The following GPR141 variants were observed in gnomAD, a reference collection of about 807,000 sequenced individuals.
GPR141 encodes the protein G protein-coupled receptor 141.
GPR141 carries 6 observed loss-of-function variants against 6.8 expected under a neutral mutation model. The observed-to-expected ratio is 0.88, with a 90% CI of 0.48 to 1.74. The LOEUF (loss-of-function observed/expected upper bound fraction) is 1.74, where lower values mean the gene tolerates loss of function less well. Ranked by LOEUF, GPR141 falls within the 40% of genes most tolerant of loss-of-function variation. The probability of loss-of-function intolerance (pLI) is 0.01; values close to 1 mark genes in which losing one functional copy is unlikely to be tolerated. For synonymous variants in GPR141, 140 were observed against 142.3 expected, an observed-to-expected ratio of 0.98 and a Z score of 0.11; for missense variants, 372 against 372.9, an observed-to-expected ratio of 1.00 and a Z score of 0.02.
intron 2 of GPR141, among the ~76,000 whole-genome samples, chr7:37,707,847 C>A (rs1165034548): frequency 6.6e-6 from 1 of 151,968 alleles, no homozygotes; most frequent in Non-Finnish European, 1.5e-5. Flanking sequence ...CAAGGAAATA[C>A]CAGCTAGAGA....
At chr7:37,727,539 C>G (rs575879696) in intron 2 of GPR141, among the ~76,000 whole-genome samples, 5 of 152,328 alleles carry the variant, frequency 3.3e-5, no homozygotes, top group South Asian at 4.1e-4. Flanking sequence ...ACCAACCCAT[C>G]TGTTAGTTCT....
intron 2 of GPR141, among the ~76,000 whole-genome samples, chr7:37,695,318 C>T (rs960414184): frequency 6.6e-6 from 1 of 152,180 alleles, no homozygotes; most frequent in Non-Finnish European, 1.5e-5. Flanking sequence ...TCCAAAATGG[C>T]ATAACACAGT....
intron 2 of GPR141, among the ~76,000 whole-genome samples, chr7:37,716,885 C>T (rs1314768525): frequency 6.6e-6 from 1 of 152,210 alleles, no homozygotes; most frequent in Admixed American, 6.5e-5. Context: ...AACTCAAATT[C>T]TTTGTTTCTA....
chr7:37,702,238 G>A (rs1348037365), intron 2 of GPR141, among the ~76,000 whole-genome samples: 1 of 151,970 alleles, frequency 6.6e-6, no homozygotes, highest in Non-Finnish European at 1.5e-5. Flanking sequence ...TTGATAAAAT[G>A]TACATCTATT....
Position 37,740,687 on chromosome 7 carries a change from C to T in GPR141, c.294C>T (p.His98=), listed in dbSNP as rs750940026. 8.7e-6 allele frequency: 14 copies of T among 1,614,046 alleles called. No individual in the cohort carries two copies. The highest frequency in any genetic ancestry group is 1.6e-4 in the Middle Eastern group (1 of 6,084). The change falls in exon 3 of 3, where the codon CAC becomes CAT. Residue 98 remains histidine, a synonymous_variant. Transcript: ENST00000334425. ...TTGTGAGTGCCATGCTGCACATCCA[C>T]ATGTACCTCACGTTCCTATTCTATG... ...CKFVSAMLHI[H]MYLTFLFYVV...
intron 2 of GPR141, among the ~76,000 whole-genome samples, chr7:37,702,830 A>G (rs1326570791): frequency 3.3e-5 from 5 of 149,504 alleles, no homozygotes; most frequent in Admixed American, 3.3e-4. Context: ...AATAAAATAA[A>G]AATTAAAAAA....
At chr7:37,708,557 TATC>T (rs1810646034) in intron 2 of GPR141, among the ~76,000 whole-genome samples, 1 of 152,064 alleles carries the variant, frequency 6.6e-6, no homozygotes, top group Admixed American at 6.6e-5. Flanking sequence ...AGAGCAATAA[TATC>T]ATGCTGTACA....
At chr7:37,731,545 G>C (rs1411540380) in intron 2 of GPR141, among the ~76,000 whole-genome samples, 1 of 152,022 alleles carries the variant, frequency 6.6e-6, no homozygotes, top group East Asian at 1.9e-4. Flanking sequence ...CCGGGTTCAC[G>C]CCATTCTCCT....
At chr7:37,701,931 C>T (rs1302614341) in intron 2 of GPR141, among the ~76,000 whole-genome samples, 2 of 152,088 alleles carry the variant, frequency 1.3e-5, no homozygotes, top group Non-Finnish European at 2.9e-5. Flanking sequence ...CTAACCTTTC[C>T]AGGAAGAATA....
At position 37,743,488 on chromosome 7, in the gene GPR141, T is replaced by G. The variant is rs779635160; in HGVS notation, c.*2177T>G. On this transcript the variant is annotated 3_prime_UTR_variant, in exon 3 of 3. Transcript: ENST00000334425. ...TTCTTTCTCATTTTGAACCATAAAA[T>G]TTGTAAGACCGTTACTAAGACCCCT... Among the ~76,000 whole-genome samples the G allele has an allele frequency of 6.6e-6, 1 of 151,960 alleles. No homozygotes were observed. The highest frequency in any genetic ancestry group is 1.5e-5 in the Non-Finnish European group (1 of 67,954).
At position 37,741,585 on chromosome 7, in the gene GPR141, G is replaced by A. The variant is rs1300806105; in HGVS notation, c.*274G>A. Among the ~76,000 whole-genome samples the A allele has an allele frequency of 6.6e-6, 1 of 152,174 alleles. No homozygotes were observed. Among genetic ancestry groups the A allele is most frequent in the Non-Finnish European group, 1.5e-5 (1 of 68,032 alleles). The stretch of plus-strand genomic sequence containing the variant: ...CAGAATGTCTGTGTGGCCCATGAAA[G>A]CAACATAGGTTTTAAGAGTTTTAGA... On this transcript the variant is annotated 3_prime_UTR_variant, in exon 3 of 3. Transcript: ENST00000334425.
Position 37,693,208 on chromosome 7 carries a change from G to C in GPR141, c.-15+7625G>C, listed in dbSNP as rs369809617. On this transcript the variant is annotated intron_variant, in intron 2 of 2. Transcript: ENST00000334425. ...GGTGTAAGGAAGGGGTCCAGTTTCA[G>C]TTTTCTGCATATGGCTAGCCAGTTT... 3.7e-4 allele frequency among the ~76,000 whole-genome samples: 57 copies of C among 152,256 alleles called. No homozygotes were observed. In the East Asian group the frequency reaches 8.5e-3, roughly 23 times the overall value.
chr7:37,700,278 T>C (rs1810220670), intron 2 of GPR141, among the ~76,000 whole-genome samples: 1 of 152,220 alleles, frequency 6.6e-6, no homozygotes, highest in Non-Finnish European at 1.5e-5. Flanking sequence ...TTTGAAAAAT[T>C]AGGATTAGAG....
chr7:37,691,283 ATATCCTTTT>A (rs1809749621), intron 2 of GPR141, among the ~76,000 whole-genome samples: 1 of 49,712 alleles, frequency 2.0e-5, no homozygotes, highest in Admixed American at 2.2e-4. Flanking sequence ...TACCCAGTCT[ATATCCTTTT>A]TTTTTTTTTT....
At chr7:37,730,634 C>G (rs2131841723) in intron 2 of GPR141, among the ~76,000 whole-genome samples, 1 of 152,314 alleles carries the variant, frequency 6.6e-6, no homozygotes, top group African/African-American at 2.4e-5. Context: ...TGCTGGCTTG[C>G]TTGTTCCAGG....
chr7:37,699,683 G>A (rs1317526286), intron 2 of GPR141, among the ~76,000 whole-genome samples: 2 of 152,214 alleles, frequency 1.3e-5, no homozygotes, highest in South Asian at 2.1e-4. Flanking sequence ...TAGATGATAA[G>A]TAAACAAGAT....
chr7:37,707,820 T>C (rs1583540636), intron 2 of GPR141, among the ~76,000 whole-genome samples: 1 of 151,648 alleles, frequency 6.6e-6, no homozygotes, highest in Admixed American at 6.6e-5. Context: ...AGAGAGAAAA[T>C]AGGAATATTC....
intron 2 of GPR141, among the ~76,000 whole-genome samples, chr7:37,735,139 G>T (rs1812170626): frequency 6.6e-6 from 1 of 152,144 alleles, no homozygotes; most frequent in Admixed American, 6.5e-5. Context: ...CTCCCACCAG[G>T]AATAATCCAA....
At chr7:37,692,082 G>A (rs2131733064) in intron 2 of GPR141, among the ~76,000 whole-genome samples, 1 of 152,202 alleles carries the variant, frequency 6.6e-6, no homozygotes, top group East Asian at 1.9e-4. Context: ...GTGCCATGGT[G>A]GTTTGCTGCA....
Sources: allele counts gnomAD v4.1 joint callset (sites outside exome capture counted in the v4.1 genomes callset), GRCh38; gene constraint gnomAD v4.1.1; transcripts MANE v1.5; gene names NCBI Gene and HGNC (gene_info 2026-07-23, HGNC 2026-07-21).